The following ING5 variants were observed in gnomAD, a reference collection of about 807,000 sequenced individuals.
The protein encoded by ING5 is inhibitor of growth protein 5.
ING5 carries 17 observed loss-of-function variants against 37.4 expected under a neutral mutation model. That is an observed-to-expected ratio of 0.45 (90% confidence interval 0.31 to 0.68). ING5 has a LOEUF of 0.68. Ranked by LOEUF, ING5 falls within the 30% of genes least tolerant of loss-of-function variation. ING5 has a pLI of 0.05. For missense variants in ING5, 233 were observed against 311.9 expected, an observed-to-expected ratio of 0.75 and a Z score of 1.91; for synonymous variants, 123 against 116.6, an observed-to-expected ratio of 1.06 and a Z score of -0.36.
At position 241,702,072 on chromosome 2, in the gene ING5, A is replaced by G; in HGVS notation, c.7A>G (p.Thr3Ala). MA[T>A]AMYLEHYLDS... ...AGCGCGGCCGCGGACGAAGATGGCGACCGCCATGTACTTGGAGCACTATCT... is the reference window on the plus strand; with the variant it reads ...AGCGCGGCCGCGGACGAAGATGGCGGCCGCCATGTACTTGGAGCACTATCT... The change falls in exon 1 of 8, where the codon ACC becomes GCC. Residue 3 changes from threonine (T) to alanine (A), a missense_variant. By Grantham distance (58) the Thr-to-Ala change is moderately conservative. Around this residue, in one of 4 missense-constraint regions of ING5, gnomAD observed 93 missense variants for 99.7 expected, o/e 0.93. Coordinates refer to ENST00000313552, the MANE Select transcript of ING5 (RefSeq NM_032329.6). The G allele has an allele frequency of 2.2e-6, 3 of 1,385,904 alleles. No homozygotes were observed. Among genetic ancestry groups the G allele is most frequent in the Non-Finnish European group, 1.9e-6 (2 of 1,065,046 alleles). The allele number at this position is 1,385,904 out of a possible 1,614,324, so 85.9% of individuals were successfully genotyped here.
rs535854133 is a variant in ING5, at chr2:241,702,388, G to T, written c.37+286G>T. On this transcript the variant is annotated intron_variant, in intron 1 of 7. Coordinates refer to ENST00000313552, the MANE Select transcript of ING5 (RefSeq NM_032329.6). The stretch of plus-strand genomic sequence containing the variant: ...GGGCGGGGCTTGCGGCCTCGACCCC[G>T]CCCACATATTAGGTCCCGCCCCTAC... 4.6e-3 allele frequency among the ~76,000 whole-genome samples: 671 copies of T among 146,442 alleles called. 4 individuals are homozygous for T. The highest frequency in any genetic ancestry group is 0.016 in the African/African-American group (647 of 39,532).
At chr2:241,700,581 G>A (rs1442298493), upstream of ING5, among the ~76,000 whole-genome samples, 3 of 152,046 alleles carry the variant, frequency 2.0e-5, no homozygotes, top group African/African-American at 7.2e-5. Context: ...TCAGCCTCCC[G>A]AGTATCTGGG....
intron 2 of ING5, among the ~76,000 whole-genome samples, chr2:241,708,592 C>A (rs1000397321): frequency 6.6e-6 from 1 of 152,156 alleles, no homozygotes; most frequent in African/African-American, 2.4e-5. Flanking sequence ...AGTATGTTTT[C>A]TTTTGTTTCT....
Position 241,722,966 on chromosome 2 carries a change from C to A in ING5, c.510C>A (p.Ser170=). 6.2e-7 allele frequency: 1 copy of A among 1,614,128 alleles called. No individual in the cohort carries two copies. Among genetic ancestry groups the A allele is most frequent in the Non-Finnish European group, 8.5e-7 (1 of 1,180,030 alleles). The part of the protein sequence containing the change: ...GGSEFTDTIL[S]VHPSDVLDMP... ...CTGAGTTCACTGACACCATCCTGTC[C>A]GTGCACCCCTCTGATGTGCTGGACA... Residue 170 remains serine, a synonymous_variant, in exon 6 of 8, where the codon TCC becomes TCA. Coordinates refer to ENST00000313552, the MANE Select transcript of ING5 (RefSeq NM_032329.6).
chr2:241,710,044 G>A (rs2070058847), intron 3 of ING5, among the ~76,000 whole-genome samples: 1 of 151,998 alleles, frequency 6.6e-6, no homozygotes. Context: ...CTGGGTTTAA[G>A]CGATTCTCCT....
rs1691626445 is a variant in ING5 at position 241,726,488 on chromosome 2, G to C, written c.*1457G>C. The C allele has an allele frequency of 6.6e-6, 1 of 152,294 alleles. No individual in the cohort carries two copies. Among genetic ancestry groups the C allele is most frequent in the Admixed American group, 6.5e-5 (1 of 15,288 alleles). The allele number at this position is 152,294 out of a possible 1,614,324, so 9.4% of individuals were successfully genotyped here. A position where few individuals can be genotyped will look rare whatever the true frequency, so the allele number is the denominator to read the frequency against. ...GAGAACAAGAGAACAAGAACACCCT[G>C]AACAGTCCTGGTTGGGATGGTGTCC... is the stretch of plus-strand genomic sequence containing the variant. On this transcript the variant is annotated 3_prime_UTR_variant, in exon 8 of 8. Coordinates refer to ENST00000313552, the MANE Select transcript of ING5 (RefSeq NM_032329.6).
chr2:241,689,427 C>A (rs559463072), intron 1 of ING5, among the ~76,000 whole-genome samples: 1 of 152,166 alleles, frequency 6.6e-6, no homozygotes, highest in African/African-American at 2.4e-5. Flanking sequence ...TCTTCCTTTA[C>A]GTCAAGCTTA....
intron 5 of ING5, chr2:241,720,192 A>T (rs2070395296): frequency 7.3e-6 from 9 of 1,234,630 alleles, no homozygotes; most frequent in Middle Eastern, 3.1e-4. Flanking sequence ...CTCCAAGGGC[A>T]TCATCCTGGG....
intron 7 of ING5, chr2:241,723,897 C>A: frequency 7.2e-7 from 1 of 1,390,924 alleles, no homozygotes; most frequent in Non-Finnish European, 1.0e-6. Flanking sequence ...GTGGTCCCAA[C>A]TACCTGGGAG....
chr2:241,703,618 T>C (rs1284755983), intron 1 of ING5, among the ~76,000 whole-genome samples: 2 of 152,110 alleles, frequency 1.3e-5, no homozygotes, highest in Admixed American at 6.6e-5. Context: ...TTTTCTTTTT[T>C]TGATTTTTTT....
rs963919948 is a variant in ING5 at position 241,704,830 on chromosome 2, G to A, written c.109+106G>A. The A allele has an allele frequency of 5.3e-5, 47 of 894,518 alleles. No homozygotes were observed. In the East Asian group the frequency reaches 1.1e-3, roughly 21 times the overall value. The allele number at this position is 894,518 out of a possible 1,614,324, so 55.4% of individuals were successfully genotyped here. On this transcript the variant is annotated intron_variant, in intron 2 of 7. Coordinates refer to ENST00000313552, the MANE Select transcript of ING5 (RefSeq NM_032329.6). ...GGTTTTGAGGGGACCCAGGTTAGTG[G>A]GGCATTGGCCTAGCCCTGGGCCGTG...
Position 241,725,032 on chromosome 2 carries a change from G to A in ING5, c.*1G>A, listed in dbSNP as rs1691551464. The A allele has an allele frequency of 3.1e-6, 5 of 1,613,970 alleles. No homozygotes were observed. The highest frequency in any genetic ancestry group is 2.7e-5 in the African/African-American group (2 of 74,938). On this transcript the variant is annotated 3_prime_UTR_variant, in exon 8 of 8. Coordinates refer to ENST00000313552, the MANE Select transcript of ING5 (RefSeq NM_032329.6). ...CCAGGAAAAGAGGAAGAAGAAGTAG[G>A]AGGAGCTGTGTGCCCGGATCCGAGG... is the stretch of plus-strand genomic sequence containing the variant.
intron 1 of ING5, among the ~76,000 whole-genome samples, chr2:241,703,612 CT>C (rs1206865474): frequency 1.3e-5 from 2 of 151,858 alleles, no homozygotes; most frequent in Admixed American, 1.3e-4. Context: ...TTTTCTTTTT[CT>C]TTTTTTGATT....
intron 7 of ING5, chr2:241,724,610 G>C: frequency 4.0e-6 from 1 of 250,606 alleles, no homozygotes; most frequent in Non-Finnish European, 7.7e-6. Context: ...CTGGGTTTCC[G>C]TGGGCCTGAG....
At chr2:241,712,695 G>A (rs763098641) in intron 5 of ING5, among the ~76,000 whole-genome samples, 2 of 152,086 alleles carry the variant, frequency 1.3e-5, no homozygotes, top group Non-Finnish European at 2.9e-5. Context: ...GAAATGCCAC[G>A]AAGCCTCTGT....
At chr2:241,719,365 C>A in intron 5 of ING5, 1 of 650,044 alleles carries the variant, frequency 1.5e-6, no homozygotes, top group Non-Finnish European at 2.7e-6. Flanking sequence ...CCGCCCCCAA[C>A]CCCCCAACAC....
At chr2:241,722,477 G>T in intron 5 of ING5, 1 of 985,368 alleles carries the variant, frequency 1.0e-6, no homozygotes, top group South Asian at 4.7e-5. Context: ...GCCTGGGCCC[G>T]AAGGTGGGCG....
In ING5 at chr2:241,711,483, TA is replaced by T; in HGVS notation, c.388del (p.Gly131AlafsTer69). 6.3e-7 allele frequency: 1 copy of T among 1,596,698 alleles called. No homozygotes were observed. The highest frequency in any genetic ancestry group is 1.8e-5 in the Admixed American group (1 of 55,560). On this transcript the variant is annotated frameshift_variant, in exon 4 of 8. Transcript: ENST00000313552. LOFTEE classifies it high-confidence loss of function. ...SDFESSGGRG[L>X]KKGRGQKEKR... ...TTTGAAAGCTCCGGAGGGCGAGGGT[TA>T]AAAAGCAAGTCTGTTAATTTTTTTT...
intron 5 of ING5, among the ~76,000 whole-genome samples, chr2:241,713,537 A>AT (rs1230830191): frequency 7.4e-5 from 11 of 149,290 alleles, no homozygotes; most frequent in Admixed American, 4.0e-4. Flanking sequence ...CACCCAGCCA[A>AT]TTTTTTTTTA....
Sources: gnomAD v4.1 joint callset for allele counts (sites outside exome capture counted in the v4.1 genomes callset) on GRCh38, gnomAD v4.1.1 for gene constraint, gnomAD v4.1.1 regional missense constraint, MANE v1.5 for transcripts, NCBI Gene and HGNC (gene_info 2026-07-23, HGNC 2026-07-21) for gene names.